The following PSD3 variants were observed in gnomAD, a reference collection of about 807,000 sequenced individuals.
The protein encoded by PSD3 is PH and SEC7 domain-containing protein 3.
A neutral mutation model predicts 105.5 loss-of-function variants in PSD3; 49 were observed. That is an observed-to-expected ratio of 0.46 (90% CI 0.37 to 0.59). The LOEUF is 0.59. Ranked by LOEUF, PSD3 falls within the 20% of genes least tolerant of loss-of-function variation. PSD3 has a pLI of 0.00. For synonymous variants in PSD3, 557 were observed against 457.8 expected (o/e 1.22, Z -2.77); for missense variants, 1,561 against 1,263.8 (o/e 1.24, Z -3.57).
intron 8 of PSD3, among the ~76,000 whole-genome samples, chr8:18,797,341 C>T (rs1005710977): frequency 2.6e-5 from 4 of 152,242 alleles, no homozygotes; most frequent in African/African-American, 9.6e-5. Context: ...AATTTTGCCA[C>T]GACTGCCAAT....
intron 12 of PSD3, among the ~76,000 whole-genome samples, chr8:18,591,721 G>C (rs1803624178): frequency 1.3e-5 from 2 of 152,128 alleles, no homozygotes; most frequent in Non-Finnish European, 2.9e-5. Context: ...CTGGCTTTTT[G>C]GAGGGCTATC....
chr8:18,584,465 C>T (rs1256570356), intron 12 of PSD3, among the ~76,000 whole-genome samples: 2 of 152,214 alleles, frequency 1.3e-5, no homozygotes, highest in Admixed American at 1.3e-4. Context: ...ACCATCTTTA[C>T]AATACTGAGT....
intron 1 of PSD3, among the ~76,000 whole-genome samples, chr8:19,053,771 A>T (rs528320600): frequency 6.6e-6 from 1 of 152,128 alleles, no homozygotes; most frequent in African/African-American, 2.4e-5. Flanking sequence ...AAACTTTATC[A>T]CTAGATCTGT....
intron 9 of PSD3, among the ~76,000 whole-genome samples, chr8:18,758,418 T>TC (rs1319597799): frequency 1.3e-5 from 2 of 151,554 alleles, no homozygotes; most frequent in Non-Finnish European, 2.9e-5. Flanking sequence ...TTTACTCTTT[T>TC]TTTTTTTTTT....
chr8:19,005,538 C>T (rs943019242), intron 1 of PSD3, among the ~76,000 whole-genome samples: 1 of 151,888 alleles, frequency 6.6e-6, no homozygotes, highest in Non-Finnish European at 1.5e-5. Flanking sequence ...TAGAGCACAG[C>T]GATGCAATCA....
chr8:18,700,252 A>T (rs865883093), intron 9 of PSD3, among the ~76,000 whole-genome samples: 3 of 152,146 alleles, frequency 2.0e-5, no homozygotes, highest in Non-Finnish European at 4.4e-5. Flanking sequence ...AGACCTCCTA[A>T]TCACTTAATT....
At chr8:18,955,304 G>A (rs1368390893) in intron 1 of PSD3, among the ~76,000 whole-genome samples, 1 of 152,088 alleles carries the variant, frequency 6.6e-6, no homozygotes, top group African/African-American at 2.4e-5. Context: ...GCAGTGGCAC[G>A]ATCATAGTTC....
At chr8:18,666,381 C>A (rs1276806031) in intron 9 of PSD3, among the ~76,000 whole-genome samples, 1 of 152,184 alleles carries the variant, frequency 6.6e-6, no homozygotes, top group African/African-American at 2.4e-5. Context: ...TGCATACGGA[C>A]ACCAAAAAAT....
chr8:18,960,677 G>T (rs1035829729), intron 1 of PSD3, among the ~76,000 whole-genome samples: 9 of 152,138 alleles, frequency 5.9e-5, no homozygotes, highest in African/African-American at 1.7e-4. Flanking sequence ...ATCCCAATTA[G>T]ATCCTAACTG....
At chr8:18,881,164 T>C (rs772102103) in intron 2 of PSD3, among the ~76,000 whole-genome samples, 4 of 152,216 alleles carry the variant, frequency 2.6e-5, no homozygotes, top group Non-Finnish European at 4.4e-5. Flanking sequence ...CAATGACATA[T>C]AAACCCACTG....
intron 9 of PSD3, among the ~76,000 whole-genome samples, chr8:18,754,881 G>A (rs1001700348): frequency 6.6e-6 from 1 of 151,844 alleles, no homozygotes; most frequent in African/African-American, 2.4e-5. Context: ...TTGTTTTTCT[G>A]TATCCTTATT....
chr8:18,812,676 T>C (rs1264259686), intron 4 of PSD3, among the ~76,000 whole-genome samples: 1 of 152,080 alleles, frequency 6.6e-6, no homozygotes, highest in African/African-American at 2.4e-5. Context: ...ACACAGGTTG[T>C]GAGAAAAAGA....
chr8:18,926,323 T>A (rs1286090422), intron 2 of PSD3, among the ~76,000 whole-genome samples: 1 of 151,170 alleles, frequency 6.6e-6, no homozygotes, highest in African/African-American at 2.4e-5. Flanking sequence ...TAATTTATAA[T>A]TATATAATTA....
intron 9 of PSD3, among the ~76,000 whole-genome samples, chr8:18,730,772 A>C (rs1803689517): frequency 1.3e-5 from 2 of 152,308 alleles, no homozygotes; most frequent in Admixed American, 6.5e-5. Flanking sequence ...TTAGAGTTTA[A>C]GATTCTGTGG....
intron 9 of PSD3, among the ~76,000 whole-genome samples, chr8:18,752,816 T>A (rs1302264678): frequency 1.3e-5 from 2 of 149,056 alleles, no homozygotes; most frequent in Non-Finnish European, 3.0e-5. Flanking sequence ...ATTGCTGTTT[T>A]TGGGAGTGAA....
intron 1 of PSD3, among the ~76,000 whole-genome samples, chr8:18,957,237 G>T (rs1291961391): frequency 3.3e-5 from 5 of 152,020 alleles, no homozygotes; most frequent in African/African-American, 1.2e-4. Flanking sequence ...TGGGCATGGT[G>T]GCGCGCGCCT....
At chr8:18,651,406 A>C (rs1808469254) in intron 10 of PSD3, among the ~76,000 whole-genome samples, 1 of 152,228 alleles carries the variant, frequency 6.6e-6, no homozygotes, top group South Asian at 2.1e-4. Context: ...ATTATCCTAC[A>C]AACTTTGTAG....
intron 2 of PSD3, among the ~76,000 whole-genome samples, chr8:18,911,615 T>TAATA (rs1397012311): frequency 2.6e-5 from 4 of 152,340 alleles, no homozygotes; most frequent in African/African-American, 9.6e-5. Flanking sequence ...GTCTGTTGCA[T>TAATA]AATAATGATG....
chr8:18,821,717 A>ACACACACACACCCC (rs1554513425), intron 4 of PSD3, among the ~76,000 whole-genome samples: 13 of 141,226 alleles, frequency 9.2e-5, no homozygotes, highest in African/African-American at 1.6e-4. Flanking sequence ...ACACACACAC[A>ACACACACACACCCC]CCCCAATAAC....
Sources: gnomAD v4.1 joint callset for allele counts (sites outside exome capture counted in the v4.1 genomes callset) on GRCh38, gnomAD v4.1.1 for gene constraint, MANE v1.5 for transcripts, NCBI Gene and HGNC (gene_info 2026-07-23, HGNC 2026-07-21) for gene names.